ORC5: variants seen among roughly 807,000 people sequenced by gnomAD.
The protein encoded by ORC5 is protein phosphatase 1, regulatory subunit 117.
Under a neutral mutation model 58.8 loss-of-function variants are expected in ORC5, and 39 were observed. That is an observed-to-expected ratio of 0.66 (90% confidence interval 0.51 to 0.87). The LOEUF (loss-of-function observed/expected upper bound fraction) is 0.87. Ranked by LOEUF, ORC5 falls within the 40% of genes least tolerant of loss-of-function variation. The pLI, the probability that ORC5 is intolerant of heterozygous loss-of-function variation, is 0.00. For synonymous variants in ORC5, 218 were observed against 177.6 expected (o/e 1.23, Z -1.81); for missense variants, 493 against 506.3 (o/e 0.97, Z 0.25).
intron 11 of ORC5, among the ~76,000 whole-genome samples, chr7:104,161,877 A>G (rs1296708634): frequency 3.9e-5 from 6 of 152,220 alleles, no homozygotes; most frequent in Non-Finnish European, 7.3e-5. Flanking sequence ...GTTGTAGACT[A>G]GAGCTTACTA....
chr7:104,191,380 A>T (rs1437657879), intron 5 of ORC5, among the ~76,000 whole-genome samples: 1 of 152,110 alleles, frequency 6.6e-6, no homozygotes, highest in Non-Finnish European at 1.5e-5. Context: ...TACATAAAGC[A>T]AAACAACAAC....
chr7:104,186,486 T>A lies in ORC5; in HGVS notation c.684+1765A>T, dbSNP rs188192023. Among the ~76,000 whole-genome samples, 12 of 152,254 alleles carry A rather than the reference T, an allele frequency of 7.9e-5. No homozygotes were observed. The East Asian group carries it at 1.5e-3, about 20-fold the overall frequency. On this transcript the variant is annotated intron_variant, in intron 6 of 13. Coordinates refer to ENST00000297431, the MANE Select transcript of ORC5 (RefSeq NM_002553.4). ...ATGAATAACAGTTAAAAAGGCAGTA[T>A]CATAAGGTTTGTTAGAGAAAACAAA...
chr7:104,166,072 G>C (rs1211923425), intron 10 of ORC5, among the ~76,000 whole-genome samples: 1 of 151,938 alleles, frequency 6.6e-6, no homozygotes, highest in Non-Finnish European at 1.5e-5. Flanking sequence ...AGTAGCACAA[G>C]ACATGACAAA....
At chr7:104,183,332 C>T (rs977490443) in intron 8 of ORC5, among the ~76,000 whole-genome samples, 3 of 152,104 alleles carry the variant, frequency 2.0e-5, no homozygotes, top group Non-Finnish European at 4.4e-5. Flanking sequence ...TCACTCCCTT[C>T]GACATGTGAA....
At chr7:104,185,027 C>G (rs73191412) in intron 6 of ORC5, among the ~76,000 whole-genome samples, 36 of 130,026 alleles carry the variant, frequency 2.8e-4, no homozygotes, top group African/African-American at 1.0e-3. Context: ...AACCAGCTGG[C>G]CCCCCTTTCT....
Position 104,197,813 on chromosome 7 carries a change from AAAAAC to A in ORC5, c.367-19_367-15del, listed in dbSNP as rs913725834. On this transcript the variant is annotated splice_polypyrimidine_tract_variant and intron_variant, in intron 3 of 13. Transcript: ENST00000297431. ...TTTATCTAGAACCTTTAAAAAACAA[AAAAAC>A]AAAACAAAAAGAAATGCATTTACAA... 2 of 1,498,168 alleles carry A rather than the reference AAAAAC, an allele frequency of 1.3e-6. No individual in the cohort carries two copies. The highest frequency in any genetic ancestry group is 2.8e-5 in the African/African-American group (2 of 70,388). The allele number at this position is 1,498,168 out of a possible 1,614,324, so 92.8% of individuals were successfully genotyped here.
At chr7:104,192,003 G>A (rs115348834) in intron 5 of ORC5, among the ~76,000 whole-genome samples, 2,258 of 152,094 alleles carry the variant, frequency 0.015, 59 homozygotes, top group African/African-American at 0.051. Flanking sequence ...TGGCAGTAAC[G>A]GACCGTAATA....
At position 104,168,208 on chromosome 7, in the gene ORC5, T is replaced by C. The variant is rs1257607952; in HGVS notation, c.877+265A>G. 29 of 919,986 alleles carry C rather than the reference T, an allele frequency of 3.2e-5. 1 individual carries two copies. In the East Asian group the frequency reaches 9.5e-4, roughly 30 times the overall value. The allele number at this position is 919,986 out of a possible 1,614,324, so 57.0% of individuals were successfully genotyped here. Reference sequence around the variant, plus strand: ...ATTAGATTGCTTTAATAAAAGCATTTAAAGAAATAGAAACTGCTTGATTTT... The same window carrying C: ...ATTAGATTGCTTTAATAAAAGCATTCAAAGAAATAGAAACTGCTTGATTTT... On this transcript the variant is annotated intron_variant, in intron 9 of 13. Coordinates refer to ENST00000297431, the MANE Select transcript of ORC5 (RefSeq NM_002553.4).
At chr7:104,147,882 A>T (rs1166423072) in intron 12 of ORC5, among the ~76,000 whole-genome samples, 1 of 152,074 alleles carries the variant, frequency 6.6e-6, no homozygotes, top group Non-Finnish European at 1.5e-5. Flanking sequence ...CACCAGTATG[A>T]GCCTATGTGC....
At chr7:104,179,042 C>T (rs560192309) in intron 8 of ORC5, among the ~76,000 whole-genome samples, 1 of 150,050 alleles carries the variant, frequency 6.7e-6, no homozygotes, top group East Asian at 2.0e-4. Context: ...AAGTAGGAGA[C>T]ACAGATGTGC....
At chr7:104,185,463 A>T (rs999133529) in intron 6 of ORC5, among the ~76,000 whole-genome samples, 4 of 152,154 alleles carry the variant, frequency 2.6e-5, no homozygotes, top group Non-Finnish European at 4.4e-5. Context: ...CAAATAATTA[A>T]CTGTTGTTTT....
At chr7:104,197,894 T>A (rs1039704471) in intron 3 of ORC5, 95 bp from the exon 4 acceptor site, 7 of 699,696 alleles carry the variant, frequency 1.0e-5, no homozygotes, top group Admixed American at 9.4e-5. Context: ...GTTCATGTGT[T>A]GGAACTTAAT....
At chr7:104,191,583 G>A (rs1799677689) in intron 5 of ORC5, among the ~76,000 whole-genome samples, 1 of 151,970 alleles carries the variant, frequency 6.6e-6, no homozygotes, top group African/African-American at 2.4e-5. Flanking sequence ...AGTCTTATAA[G>A]AATAGGAATC....
chr7:104,130,702 C>T (rs940257924), intron 13 of ORC5, among the ~76,000 whole-genome samples: 1 of 152,196 alleles, frequency 6.6e-6, no homozygotes, highest in African/African-American at 2.4e-5. Flanking sequence ...CTCAGAAATG[C>T]TCTACTTCTA....
At chr7:104,191,831 C>T (rs890254358) in intron 5 of ORC5, among the ~76,000 whole-genome samples, 1 of 152,050 alleles carries the variant, frequency 6.6e-6, no homozygotes, top group Non-Finnish European at 1.5e-5. Context: ...ATTTCACTAT[C>T]CAAGTATAGG....
chr7:104,157,420 C>T (rs1798944571), intron 12 of ORC5, among the ~76,000 whole-genome samples: 1 of 151,872 alleles, frequency 6.6e-6, no homozygotes, highest in African/African-American at 2.4e-5. Flanking sequence ...TTTAAATATA[C>T]AAATTTATCA....
In ORC5 at chr7:104,188,779, C is replaced by T. The variant is rs138043002; in HGVS notation, c.554-398G>A. ...GAAATTTTCAGTGGAGGAGGGGCCT[C>T]GTGGGAGGTGATTGAATCATGAGGC... On this transcript the variant is annotated intron_variant, in intron 5 of 13. Transcript: ENST00000297431. 3.2e-3 allele frequency among the ~76,000 whole-genome samples: 486 copies of T among 152,126 alleles called. 2 individuals carry two copies. Among genetic ancestry groups the T allele is most frequent in the African/African-American group, 0.01 (427 of 41,512 alleles).
intron 13 of ORC5, among the ~76,000 whole-genome samples, chr7:104,127,946 C>T (rs1444436022): frequency 1.3e-5 from 2 of 151,966 alleles, no homozygotes; most frequent in African/African-American, 4.8e-5. Flanking sequence ...CTAAGCCTTT[C>T]CAAATGGTAT....
At position 104,156,034 on chromosome 7, in the gene ORC5, C is replaced by G. The variant is rs192342445; in HGVS notation, c.1149+5038G>C. On this transcript the variant is annotated intron_variant, in intron 12 of 13. Transcript: ENST00000297431. ...TAGAAAGAATACCTATAAACTTTAC[C>G]CATTTACTGCATGTATTCCATTCTA... 2.0e-5 allele frequency among the ~76,000 whole-genome samples: 3 copies of G among 151,502 alleles called. No homozygotes were observed. The East Asian group carries it at 5.8e-4, about 29-fold the overall frequency.
Sources: allele counts gnomAD v4.1 joint callset (sites outside exome capture counted in the v4.1 genomes callset), GRCh38; gene constraint gnomAD v4.1.1; transcripts MANE v1.5; gene names NCBI Gene and HGNC (gene_info 2026-07-23, HGNC 2026-07-21).